Variants in PLEKHG7 observed in about 807,000 individuals in gnomAD.
PLEKHG7 encodes pleckstrin homology domain-containing family G member 7.
A neutral mutation model predicts 85.2 loss-of-function variants in PLEKHG7; 77 were observed. That is an observed-to-expected ratio of 0.90 (90% CI 0.75 to 1.09). The LOEUF (loss-of-function observed/expected upper bound fraction) is 1.09. Ranked by LOEUF, PLEKHG7 falls within the 50% of genes least tolerant of loss-of-function variation. The probability of loss-of-function intolerance (pLI) is 0.00; values close to 1 mark genes in which losing one functional copy is unlikely to be tolerated. For missense variants in PLEKHG7, 777 were observed against 804.3 expected (o/e 0.97, Z 0.41); for synonymous variants, 301 against 302.4 (o/e 1.00, Z 0.05).
At chr12:92,707,255 A>G in intron 2 of PLEKHG7, 117 bp downstream of exon 2, 2 of 1,447,976 alleles carry the variant, frequency 1.4e-6, no homozygotes, top group Admixed American at 5.6e-5. Context: ...CAGCACAGGA[A>G]GTCACACTGA....
intron 3 of PLEKHG7, among the ~76,000 whole-genome samples, chr12:92,721,072 T>C (rs1274091507): frequency 6.6e-6 from 1 of 152,196 alleles, no homozygotes; most frequent in Non-Finnish European, 1.5e-5. Flanking sequence ...TAATATCCAC[T>C]ACATAGGGTG....
chr12:92,704,307 C>T (rs765278217), intron 1 of PLEKHG7, among the ~76,000 whole-genome samples: 4 of 152,054 alleles, frequency 2.6e-5, no homozygotes, highest in Non-Finnish European at 5.9e-5. Context: ...ATTTGATGCT[C>T]AGCTCAGCAT....
intron 3 of PLEKHG7, among the ~76,000 whole-genome samples, chr12:92,726,817 G>A (rs912338297): frequency 2.6e-5 from 4 of 152,174 alleles, no homozygotes; most frequent in African/African-American, 9.7e-5. Flanking sequence ...AGTCCTGTGT[G>A]ATGAACTTTT....
chr12:92,734,508 G>A (rs1872083212), intron 5 of PLEKHG7, among the ~76,000 whole-genome samples: 1 of 152,204 alleles, frequency 6.6e-6, no homozygotes, highest in African/African-American at 2.4e-5. Context: ...TGAAAATGGG[G>A]AAATGGATTC....
At position 92,770,789 on chromosome 12, in the gene PLEKHG7, G is replaced by A. The variant is rs1396162772; in HGVS notation, c.*594G>A. The stretch of plus-strand genomic sequence containing the variant: ...AGGTATATAGTACTCTAACGTGGAA[G>A]TAGAAAATCCCAAAGACTAAATTCC... On this transcript the variant is annotated 3_prime_UTR_variant, in exon 17 of 17. Transcript: ENST00000344636. 2.0e-5 allele frequency: 3 copies of A among 151,958 alleles called. No individual in the cohort carries two copies. Among genetic ancestry groups the A allele is most frequent in the African/African-American group, 7.2e-5 (3 of 41,384 alleles). The allele number at this position is 151,958 out of a possible 1,614,324, so 9.4% of individuals were successfully genotyped here.
At position 92,707,754 on chromosome 12, in the gene PLEKHG7, C is replaced by T. The variant is rs77343685; in HGVS notation, c.530+82C>T. 3,387 of 1,602,128 alleles carry T rather than the reference C, an allele frequency of 2.1e-3. 47 individuals carry two copies. The African/African-American group carries it at 0.037, about 18-fold the overall frequency. ...GATTTTTATTTCTGTCCTGACATAA[C>T]AAAGCTGACGGTGTGTTAACCAGTG... On this transcript the variant is annotated intron_variant, in intron 3 of 16. Transcript: ENST00000344636.
In PLEKHG7 at chr12:92,745,491, GTC is replaced by G. The variant is rs1376170325; in HGVS notation, c.1155_1156del (p.Cys386SerfsTer18). The G allele has an allele frequency of 1.9e-6, 3 of 1,612,408 alleles. No homozygotes were observed. The South Asian group carries it at 3.3e-5, about 18-fold the overall frequency. On this transcript the variant is annotated frameshift_variant, in exon 10 of 17. Coordinates refer to ENST00000344636, the MANE Select transcript of PLEKHG7 (RefSeq NM_001377329.1). LOFTEE classifies it high-confidence loss of function. ...CCTTTCTTGCAGTATTTCCGAGGGA[GTC>G]TCTGTCAGAGCCACCAGACCTACTG...
In PLEKHG7 at chr12:92,751,493, G is replaced by C. The variant is rs149731020; in HGVS notation, c.1252-2597G>C. 4.9e-4 allele frequency among the ~76,000 whole-genome samples: 75 copies of C among 152,032 alleles called. 1 individual carries two copies. The highest frequency in any genetic ancestry group is 1.3e-3 in the Admixed American group (20 of 15,280). On this transcript the variant is annotated intron_variant, in intron 10 of 16. Transcript: ENST00000344636. The stretch of plus-strand genomic sequence containing the variant: ...CAATTCTCCCACCTCAGCTTCCTGC[G>C]TAGCTGGGATTACAGGCGTGCGCCA...
At chr12:92,730,042 G>T (rs1484848033) in intron 4 of PLEKHG7, among the ~76,000 whole-genome samples, 1 of 152,150 alleles carries the variant, frequency 6.6e-6, no homozygotes, top group Non-Finnish European at 1.5e-5. Context: ...TGAGTCCAGT[G>T]CCCTCTCTAC....
chr12:92,716,971 G>C lies in PLEKHG7; in HGVS notation c.530+9299G>C, dbSNP rs1259633924. Reference sequence around the variant, plus strand: ...CCAATGCATTTGCATTTTAACAAAAGACAGCTTGAAGCCAAGCAGTGAAAC... The same window carrying C: ...CCAATGCATTTGCATTTTAACAAAACACAGCTTGAAGCCAAGCAGTGAAAC... On this transcript the variant is annotated intron_variant, in intron 3 of 16. Transcript: ENST00000344636. Among the ~76,000 whole-genome samples the C allele has an allele frequency of 2.0e-5, 3 of 152,200 alleles. No individual in the cohort carries two copies. In the East Asian group the frequency reaches 5.8e-4, roughly 29 times the overall value.
intron 15 of PLEKHG7, among the ~76,000 whole-genome samples, chr12:92,768,429 A>G (rs972577397): frequency 2.6e-5 from 4 of 152,100 alleles, no homozygotes; most frequent in Non-Finnish European, 4.4e-5. Context: ...TTTGTTTTAC[A>G]TTTCACCCAG....
intron 10 of PLEKHG7, 120 bp from the exon 11 acceptor site, chr12:92,753,970 A>T (rs748026011): frequency 1.9e-5 from 18 of 952,548 alleles, no homozygotes; most frequent in Non-Finnish European, 2.7e-5. Flanking sequence ...GTCCCAGCAA[A>T]CTCACAAGTA....
intron 15 of PLEKHG7, among the ~76,000 whole-genome samples, chr12:92,764,918 A>G (rs1232260820): frequency 6.6e-6 from 1 of 152,080 alleles, no homozygotes; most frequent in Non-Finnish European, 1.5e-5. Context: ...GGCAGTGTTC[A>G]GGAGGACGCA....
chr12:92,759,712 C>T (rs551995635), intron 13 of PLEKHG7, among the ~76,000 whole-genome samples: 47 of 152,294 alleles, frequency 3.1e-4, no homozygotes, highest in Non-Finnish European at 4.7e-4. Flanking sequence ...TCGACCAGCA[C>T]CTTGATCTAC....
intron 3 of PLEKHG7, among the ~76,000 whole-genome samples, chr12:92,717,225 T>C (rs10777442): frequency 1.6e-4 from 24 of 151,994 alleles, no homozygotes; most frequent in African/African-American, 5.6e-4. Context: ...ATTAAATACA[T>C]CCATATTAGC....
intron 6 of PLEKHG7, 24 bp from the exon 7 acceptor site, chr12:92,737,354 T>C (rs577807030): frequency 7.2e-7 from 1 of 1,397,150 alleles, no homozygotes; most frequent in Admixed American, 2.8e-5. Flanking sequence ...AATGTTTTGT[T>C]CTCTCTTTTT....
chr12:92,708,297 T>G (rs1017307544), intron 3 of PLEKHG7: 2 of 152,364 alleles, frequency 1.3e-5, no homozygotes, highest in African/African-American at 4.8e-5. Context: ...CTCATTTCAT[T>G]TGAAAAGTCA....
chr12:92,752,720 G>T (rs1161619388), intron 10 of PLEKHG7, among the ~76,000 whole-genome samples: 2 of 152,192 alleles, frequency 1.3e-5, no homozygotes, highest in South Asian at 4.1e-4. Flanking sequence ...GAAATATTTA[G>T]TGTAAAGGCA....
chr12:92,718,868 T>C (rs1871560695), intron 3 of PLEKHG7, among the ~76,000 whole-genome samples: 1 of 152,190 alleles, frequency 6.6e-6, no homozygotes, highest in Non-Finnish European at 1.5e-5. Flanking sequence ...ATATTACTGA[T>C]TTGACCCCAC....
Sources: gnomAD v4.1 joint callset for allele counts (sites outside exome capture counted in the v4.1 genomes callset) on GRCh38, gnomAD v4.1.1 for gene constraint, MANE v1.5 for transcripts, NCBI Gene and HGNC (gene_info 2026-07-23, HGNC 2026-07-21) for gene names.